The following EML1 variants were observed in gnomAD, a reference collection of about 807,000 sequenced individuals.
The protein encoded by EML1 is echinoderm microtubule-associated protein-like 1.
Under a neutral mutation model 110.4 loss-of-function variants are expected in EML1, and 27 were observed. The ratio of observed to expected loss-of-function variants is 0.24; its 90% CI spans 0.18 to 0.34. EML1 has a LOEUF of 0.34. Among genes scored for constraint, EML1 ranks in the 10% least tolerant of loss-of-function variants. EML1 has a pLI of 1.00. For synonymous variants in EML1, 344 were observed against 385.8 expected, an observed-to-expected ratio of 0.89 and a Z score of 1.27; for missense variants, 741 against 1,030.9, an observed-to-expected ratio of 0.72 and a Z score of 3.85.
rs1376593147 is a variant in EML1, at chr14:99,941,024, A to G, written c.*912A>G. The G allele has an allele frequency of 6.6e-6, 1 of 152,254 alleles. No individual in the cohort carries two copies. Among genetic ancestry groups the G allele is most frequent in the African/African-American group, 2.4e-5 (1 of 41,458 alleles). 9.4% of individuals were successfully genotyped at this position (152,254 alleles called of 1,614,324 possible). ...ATTTTATGACCAAGTAGACCAAGTC[A>G]GAAAGATCTCTCTCGAGCGTACCAT... On this transcript the variant is annotated 3_prime_UTR_variant, in exon 22 of 22. Coordinates refer to ENST00000262233, the MANE Select transcript of EML1 (RefSeq NM_004434.3).
rs140361304 is a variant in EML1, at chr14:99,747,802, G to C, written c.28+9942G>C. 2.2e-4 allele frequency among the ~76,000 whole-genome samples: 33 copies of C among 152,322 alleles called. No homozygotes were observed. In the East Asian group the frequency reaches 5.2e-3, roughly 24 times the overall value. On this transcript the variant is annotated intron_variant, in intron 1 of 10. Transcript: ENST00000554479. ...CCACCCCTGGCCACACGGGGACTTG[G>C]TGCTGCCCCAGGGGTCCCGCTGCAG...
intron 9 of EML1, among the ~76,000 whole-genome samples, chr14:99,902,851 T>C (rs933262650): frequency 6.6e-6 from 1 of 152,226 alleles, no homozygotes; most frequent in African/African-American, 2.4e-5. Flanking sequence ...AGGAACCCTG[T>C]ACAGGGACTG....
At chr14:99,930,203 C>G (rs2060341762) in intron 17 of EML1, among the ~76,000 whole-genome samples, 1 of 152,214 alleles carries the variant, frequency 6.6e-6, no homozygotes, top group Admixed American at 6.5e-5. Context: ...GGGGTTACCT[C>G]ATAAACTGGA....
rs534839930 is a variant in EML1 at position 99,761,568 on chromosome 14, C to A, written c.28+23708C>A. ...TGGGTGACACCGAGCCTGGGGTGAG[C>A]AGATGGTGTGGGAGAATGCAGAATG... On this transcript the variant is annotated intron_variant, in intron 1 of 10. Coordinates refer to the EML1 transcript ENST00000554479. Among the ~76,000 whole-genome samples, 22 of 152,182 alleles carry A rather than the reference C, an allele frequency of 1.4e-4. 1 individual carries two copies. The East Asian group carries it at 3.9e-3, about 27-fold the overall frequency.
intron 4 of EML1, among the ~76,000 whole-genome samples, chr14:99,887,720 G>C (rs1175021118): frequency 1.3e-5 from 2 of 152,192 alleles, no homozygotes; most frequent in African/African-American, 4.8e-5. Context: ...TTTCAAAATA[G>C]TGCTGGGTCT....
intron 1 of EML1, among the ~76,000 whole-genome samples, chr14:99,834,294 T>G (rs1280534217): frequency 7.2e-6 from 1 of 138,748 alleles, no homozygotes; most frequent in Non-Finnish European, 1.5e-5. Context: ...TTTCCTAAAA[T>G]TTTAAGAATG....
chr14:99,896,614 C>T (rs978948030), intron 6 of EML1, among the ~76,000 whole-genome samples: 2 of 152,086 alleles, frequency 1.3e-5, no homozygotes, highest in African/African-American at 4.8e-5. Flanking sequence ...GGCATCTTGC[C>T]GGGTTACTTT....
At chr14:99,806,536 G>A (rs750895975) in intron 1 of EML1, among the ~76,000 whole-genome samples, 1 of 151,952 alleles carries the variant, frequency 6.6e-6, no homozygotes, top group African/African-American at 2.4e-5. Flanking sequence ...GGCTGGTCTC[G>A]AACTCCCAAC....
chr14:99,820,478 C>T (rs1355155349), intron 1 of EML1, among the ~76,000 whole-genome samples: 3 of 152,204 alleles, frequency 2.0e-5, no homozygotes, highest in African/African-American at 7.2e-5. Context: ...CTTGACATCT[C>T]AACCTCTTCT....
chr14:99,800,139 C>T (rs752609960), intron 1 of EML1, among the ~76,000 whole-genome samples: 2 of 152,024 alleles, frequency 1.3e-5, no homozygotes, highest in Non-Finnish European at 2.9e-5. Context: ...TTATTGATAC[C>T]ACCCGTCACC....
chr14:99,881,653 T>C (rs1365840529), intron 4 of EML1, among the ~76,000 whole-genome samples: 1 of 150,750 alleles, frequency 6.6e-6, no homozygotes, highest in Non-Finnish European at 1.5e-5. Flanking sequence ...CAGGCTGGAG[T>C]GCAGTGGCAC....
chr14:99,846,014 C>A (rs1268908967), intron 1 of EML1, among the ~76,000 whole-genome samples: 2 of 144,242 alleles, frequency 1.4e-5, no homozygotes, highest in Non-Finnish European at 3.0e-5. Flanking sequence ...CACGCCACTG[C>A]ACTCCAGCCT....
intron 9 of EML1, among the ~76,000 whole-genome samples, chr14:99,906,134 C>A (rs2059842177): frequency 6.6e-6 from 1 of 152,142 alleles, no homozygotes; most frequent in African/African-American, 2.4e-5. Flanking sequence ...CCACCACTTA[C>A]CCAAAGTCAG....
intron 1 of EML1, among the ~76,000 whole-genome samples, chr14:99,818,654 G>C (rs114583378): frequency 1.9e-3 from 291 of 152,282 alleles, no homozygotes; most frequent in African/African-American, 6.8e-3. Context: ...GCTGGAGCTT[G>C]AGAGGGTTCT....
intron 13 of EML1, among the ~76,000 whole-genome samples, chr14:99,912,214 G>A (rs987177846): frequency 3.9e-5 from 6 of 152,086 alleles, no homozygotes; most frequent in Admixed American, 1.3e-4. Context: ...ATGTTATTTT[G>A]GAGACATTAT....
intron 1 of EML1, among the ~76,000 whole-genome samples, chr14:99,803,482 C>T (rs536424606): frequency 1.1e-4 from 16 of 152,302 alleles, no homozygotes; most frequent in African/African-American, 2.6e-4. Flanking sequence ...GCTTTCCAGA[C>T]GAGGGACCTT....
chr14:99,825,520 T>G (rs1422206307), intron 1 of EML1, among the ~76,000 whole-genome samples: 1 of 152,168 alleles, frequency 6.6e-6, no homozygotes, highest in African/African-American at 2.4e-5. Flanking sequence ...GTGTCCTAAC[T>G]CGAGACTCAG....
chr14:99,850,880 T>C lies in EML1; in HGVS notation c.95T>C (p.Met32Thr). 5 of 1,613,996 alleles carry C rather than the reference T, an allele frequency of 3.1e-6. No homozygotes were observed. The highest frequency in any genetic ancestry group is 2.2e-5 in the East Asian group (1 of 44,870). ...NDDSASAASSMEVTDRIASLE... is the reference protein window; with the variant it reads ...NDDSASAASSTEVTDRIASLE... ...GACAGCGCTTCTGCTGCAAGTAGCA[T>C]GGAGGTGACAGACCGCATTGCTTCA... Residue 32 changes from methionine to threonine, a missense_variant, in exon 2 of 22, where the codon ATG becomes ACG. Transcript: ENST00000262233.
At chr14:99,763,422 C>G (rs2057335864) in intron 1 of EML1, among the ~76,000 whole-genome samples, 1 of 152,128 alleles carries the variant, frequency 6.6e-6, no homozygotes, top group South Asian at 2.1e-4. Context: ...CAAGACAACC[C>G]TCTTCATAGC....
Sources: gnomAD v4.1 joint callset for allele counts (sites outside exome capture counted in the v4.1 genomes callset) on GRCh38, gnomAD v4.1.1 for gene constraint, MANE v1.5 for transcripts, NCBI Gene and HGNC (gene_info 2026-07-23, HGNC 2026-07-21) for gene names.